BLK: variants seen among roughly 807,000 people sequenced by gnomAD.
BLK encodes BLK proto-oncogene, Src family tyrosine kinase, also known as tyrosine-protein kinase Blk.
BLK carries 64 observed loss-of-function variants against 61.8 expected under a neutral mutation model. The observed-to-expected ratio is 1.03, with a 90% confidence interval of 0.85 to 1.27. BLK has a LOEUF of 1.27. Among genes scored for constraint, BLK ranks in the 50% most tolerant of loss-of-function variants. The probability of loss-of-function intolerance (pLI) is 0.00; values close to 1 mark genes in which losing one functional copy is unlikely to be tolerated. For synonymous variants in BLK, 351 were observed against 272.0 expected (o/e 1.29, Z -2.86); for missense variants, 853 against 660.5 (o/e 1.29, Z -3.19).
At chr8:11,550,551 GT>G (rs1225111619) in intron 6 of BLK, among the ~76,000 whole-genome samples, 2 of 152,276 alleles carry the variant, frequency 1.3e-5, no homozygotes, top group Non-Finnish European at 2.9e-5. Context: ...ACCGAGGCCA[GT>G]GGGGGCCAGG....
chr8:11,502,418 C>T, intron 1 of BLK, among the ~76,000 whole-genome samples: 1 of 152,086 alleles, frequency 6.6e-6, no homozygotes, highest in Non-Finnish European at 1.5e-5. Flanking sequence ...ATTCTCCTGC[C>T]TCATCCTCCC....
chr8:11,520,457 A>T (rs974967815), intron 1 of BLK, among the ~76,000 whole-genome samples: 2 of 125,864 alleles, frequency 1.6e-5, no homozygotes, highest in South Asian at 6.0e-4. Flanking sequence ...AGCCTGGGCA[A>T]TGGAGCAAGA....
intron 11 of BLK, 57 bp downstream of exon 11, chr8:11,561,509 C>G: frequency 6.3e-7 from 1 of 1,589,544 alleles, no homozygotes; most frequent in Non-Finnish European, 8.6e-7. Flanking sequence ...CCCAGCTCCT[C>G]AAAGCCGCCT....
intron 1 of BLK, among the ~76,000 whole-genome samples, chr8:11,511,113 T>C (rs114054760): frequency 4.6e-5 from 7 of 152,328 alleles, no homozygotes; most frequent in South Asian, 4.1e-4. Flanking sequence ...ATGTTACTAT[T>C]TGAGGCTGAA....
chr8:11,561,649 G>A (rs1801511776), intron 11 of BLK, among the ~76,000 whole-genome samples, 197 bp downstream of exon 11: 1 of 152,100 alleles, frequency 6.6e-6, no homozygotes, highest in Admixed American at 6.5e-5. Flanking sequence ...GACCTCCCAT[G>A]GAGGAACAGC....
rs943077902 is a variant in BLK at position 11,546,239 on chromosome 8, C to T, written c.175+136C>T. ...GAAAACGGGGAAGCTGAGAGAGGCC[C>T]CGGCTCTGTGCCTCTTGGGGCGTCT... On this transcript the variant is annotated intron_variant, in intron 3 of 12. Transcript: ENST00000259089. 14 of 1,062,114 alleles carry T rather than the reference C, an allele frequency of 1.3e-5. No individual in the cohort carries two copies. The African/African-American group carries it at 1.9e-4, about 14-fold the overall frequency. 65.8% of individuals were successfully genotyped at this position (1,062,114 alleles called of 1,614,324 possible). A position where few individuals can be genotyped will look rare whatever the true frequency, so the allele number is the denominator to read the frequency against.
At position 11,558,048 on chromosome 8, in the gene BLK, G is replaced by A. The variant is rs752777285; in HGVS notation, c.1029+10G>A. The A allele has an allele frequency of 3.7e-6, 6 of 1,613,938 alleles. No homozygotes were observed. The South Asian group carries it at 5.5e-5, about 15-fold the overall frequency. The stretch of plus-strand genomic sequence containing the variant: ...TGACATGTCGGCGCAGGTTGGTGAA[G>A]TACCAGGTGCAGAGAAAGGGCGGCA... On this transcript the variant is annotated intron_variant, in intron 10 of 12. Coordinates refer to ENST00000259089, the MANE Select transcript of BLK (RefSeq NM_001715.3).
At chr8:11,526,025 G>A (rs1375890308) in intron 1 of BLK, among the ~76,000 whole-genome samples, 4 of 152,114 alleles carry the variant, frequency 2.6e-5, no homozygotes, top group Non-Finnish European at 5.9e-5. Context: ...TGCCCGCCTC[G>A]GCCTCCCAAA....
At chr8:11,529,547 G>C (rs186219352) in intron 1 of BLK, among the ~76,000 whole-genome samples, 3 of 152,254 alleles carry the variant, frequency 2.0e-5, no homozygotes, top group African/African-American at 4.8e-5. Context: ...GAGCAGTTTG[G>C]GGGGTGGGAG....
rs73543893 is a variant in BLK, at chr8:11,557,767, G to A, written c.953-195G>A. On this transcript the variant is annotated intron_variant, in intron 9 of 12. Transcript: ENST00000259089. ...GCTGGTATATTGGCTGCCTCCCGGG[G>A]TGCTGAGACTGGCATTTTGTAAAGT... 2,320 of 583,850 alleles carry A rather than the reference G, an allele frequency of 4.0e-3. 34 individuals are homozygous for A. The highest frequency in any genetic ancestry group is 0.038 in the African/African-American group (2,055 of 54,218). 36.2% of individuals were successfully genotyped at this position (583,850 alleles called of 1,614,324 possible). A position where few individuals can be genotyped will look rare whatever the true frequency, so the allele number is the denominator to read the frequency against.
At chr8:11,504,292 C>T (rs1798675905) in intron 1 of BLK, among the ~76,000 whole-genome samples, 1 of 149,776 alleles carries the variant, frequency 6.7e-6, no homozygotes, top group South Asian at 2.1e-4. Context: ...CATTGCACTC[C>T]AGCTTGAGCA....
chr8:11,560,361 T>TGATG (rs1801450361), intron 10 of BLK: 1 of 189,884 alleles, frequency 5.3e-6, no homozygotes. Flanking sequence ...ATGGATGTGT[T>TGATG]GATGGATGGA....
At chr8:11,495,440 G>C (rs962737712) in intron 1 of BLK, among the ~76,000 whole-genome samples, 2 of 152,180 alleles carry the variant, frequency 1.3e-5, no homozygotes, top group African/African-American at 4.8e-5. Flanking sequence ...GCTCTGTAGA[G>C]GAGAAACCTG....
At position 11,512,352 on chromosome 8, in the gene BLK, A is replaced by G. The variant is rs979106357; in HGVS notation, c.-2+17761A>G. ...GATCTCTTAACAAGGTCTAGCCAATATCATTATAAGCACGTAAAATTCCTC... is the reference window on the plus strand; with the variant it reads ...GATCTCTTAACAAGGTCTAGCCAATGTCATTATAAGCACGTAAAATTCCTC... On this transcript the variant is annotated intron_variant, in intron 1 of 12. Transcript: ENST00000259089. Among the ~76,000 whole-genome samples, 27 of 152,314 alleles carry G rather than the reference A, an allele frequency of 1.8e-4. 1 individual carries two copies. Among genetic ancestry groups the G allele is most frequent in the Admixed American group, 6.5e-4 (10 of 15,302 alleles).
intron 1 of BLK, among the ~76,000 whole-genome samples, chr8:11,499,078 A>G (rs567325832): frequency 6.6e-6 from 1 of 152,384 alleles, no homozygotes; most frequent in Admixed American, 6.5e-5. Context: ...ACACAGTCAC[A>G]GGGCACATAA....
chr8:11,549,383 G>T (rs977828221), intron 5 of BLK, among the ~76,000 whole-genome samples: 2 of 152,158 alleles, frequency 1.3e-5, no homozygotes, highest in Middle Eastern at 3.2e-3. Flanking sequence ...GGATGGAACC[G>T]GCCCCAGTGT....
intron 1 of BLK, among the ~76,000 whole-genome samples, chr8:11,521,115 T>A (rs1799430856): frequency 6.6e-6 from 1 of 152,192 alleles, no homozygotes; most frequent in South Asian, 2.1e-4. Context: ...AATAGGCCCA[T>A]GATTATGTGG....
At chr8:11,543,079 A>G in intron 1 of BLK, 145 bp from the exon 2 acceptor site, 1 of 1,260,708 alleles carries the variant, frequency 7.9e-7, no homozygotes, top group Non-Finnish European at 1.1e-6. Context: ...GCTTCTACCC[A>G]CGTTCTGACT....
chr8:11,511,363 C>T (rs1799001331), intron 1 of BLK, among the ~76,000 whole-genome samples: 1 of 151,986 alleles, frequency 6.6e-6, no homozygotes, highest in Non-Finnish European at 1.5e-5. Context: ...TTAATGGGTG[C>T]AGCACACCAA....
Sources: gnomAD v4.1 joint callset for allele counts (sites outside exome capture counted in the v4.1 genomes callset) on GRCh38, gnomAD v4.1.1 for gene constraint, MANE v1.5 for transcripts, NCBI Gene and HGNC (gene_info 2026-07-23, HGNC 2026-07-21) for gene names.